SATB2: variants seen among roughly 807,000 people sequenced by gnomAD.
SATB2 encodes DNA-binding protein SATB2.
SATB2 carries 1 observed loss-of-function variant against 73.4 expected under a neutral mutation model. The observed-to-expected ratio is 0.01, with a 90% CI of 0.00 to 0.06. The LOEUF is 0.06. SATB2 is among the 10% of genes least tolerant of loss of function. The pLI is 1.00. For synonymous variants in SATB2, 397 were observed against 367.0 expected, an observed-to-expected ratio of 1.08 and a Z score of -0.93; for missense variants, 459 against 945.8, an observed-to-expected ratio of 0.49 and a Z score of 6.75.
chr2:199,352,806 C>T (rs1208867209), intron 6 of SATB2, among the ~76,000 whole-genome samples: 1 of 151,754 alleles, frequency 6.6e-6, no homozygotes, highest in Non-Finnish European at 1.5e-5. Context: ...TTTTGAAAAA[C>T]AAAAAATCTG....
Position 199,290,322 on chromosome 2 carries a change from C to T in SATB2, c.1741-17650G>A, listed in dbSNP as rs371336839. Among the ~76,000 whole-genome samples the T allele has an allele frequency of 6.2e-4, 94 of 152,334 alleles. 2 individuals carry two copies. The South Asian group carries it at 0.018, about 29-fold the overall frequency. ...CTATCTGCTCTCATATCTGCCTCTC[C>T]ACTGATCTCTGGGCTCCTTAAGGGT... On this transcript the variant is annotated intron_variant, in intron 10 of 10. Transcript: ENST00000417098.
intron 3 of SATB2, chr2:199,397,432 A>G (rs1690333577): frequency 6.6e-6 from 1 of 152,662 alleles, no homozygotes; most frequent in Non-Finnish European, 1.5e-5. Context: ...TAACTCAACA[A>G]TAATGAATAG....
chr2:199,342,765 A>G (rs1450502012), intron 7 of SATB2, among the ~76,000 whole-genome samples: 1 of 152,242 alleles, frequency 6.6e-6, no homozygotes, highest in Non-Finnish European at 1.5e-5. Context: ...AGCAGATGCC[A>G]TGACCTTGTC....
chr2:199,324,287 T>C (rs1687973598), intron 8 of SATB2, among the ~76,000 whole-genome samples: 1 of 152,148 alleles, frequency 6.6e-6, no homozygotes, highest in African/African-American at 2.4e-5. Flanking sequence ...GTTAACCTTT[T>C]CTTTCTAAAA....
At chr2:199,320,052 G>A (rs1047773094) in intron 9 of SATB2, among the ~76,000 whole-genome samples, 7 of 152,160 alleles carry the variant, frequency 4.6e-5, no homozygotes, top group South Asian at 2.1e-4. Context: ...AAGGGGGAAA[G>A]CGGCCCTACA....
At chr2:199,288,957 T>A (rs1201561950) in intron 10 of SATB2, among the ~76,000 whole-genome samples, 5 of 152,312 alleles carry the variant, frequency 3.3e-5, no homozygotes, top group South Asian at 4.1e-4. Flanking sequence ...AGGTATCAAG[T>A]GAGAGCTTAT....
chr2:199,360,569 G>C (rs937438656), intron 6 of SATB2, among the ~76,000 whole-genome samples: 10 of 151,968 alleles, frequency 6.6e-5, no homozygotes, highest in Non-Finnish European at 1.3e-4. Flanking sequence ...ACATCTCCTT[G>C]CCCTTCTCCC....
chr2:199,327,136 T>C (rs1688050921), intron 8 of SATB2, among the ~76,000 whole-genome samples: 1 of 152,182 alleles, frequency 6.6e-6, no homozygotes, highest in Non-Finnish European at 1.5e-5. Flanking sequence ...TTTTTCAGCT[T>C]TGTATAAATG....
In SATB2 at chr2:199,308,101, T is replaced by C. The variant is rs1039764068; in HGVS notation, c.1740+659A>G. ...CTTAAAAGCAATTAATTTTAGACTA[T>C]GGAAAGTGTCAGTAGTTAAACTCAA... On this transcript the variant is annotated intron_variant, in intron 10 of 10. Coordinates refer to ENST00000417098, the MANE Select transcript of SATB2 (RefSeq NM_001172509.2). This position sits in a 1 kb window ranked among gnomAD's most constrained non-coding sequence, Gnocchi z 4.6. Among the ~76,000 whole-genome samples the C allele has an allele frequency of 1.3e-5, 2 of 152,150 alleles. No individual in the cohort carries two copies. The highest frequency in any genetic ancestry group is 2.9e-5 in the Non-Finnish European group (2 of 68,034).
At chr2:199,386,708 GCGCGCGCGCACACACACACACACA>G (rs796439998) in intron 3 of SATB2, among the ~76,000 whole-genome samples, 24 of 45,902 alleles carry the variant, frequency 5.2e-4, no homozygotes, top group South Asian at 2.7e-3. Context: ...GCGCGCGCGC[GCGCGCGCGCACACACACACACACA>G]CACACACACA....
Position 199,433,449 on chromosome 2 carries a change from C to G in SATB2, c.235G>C (p.Glu79Gln). ...ACCAGGACAAACTCGGCGTGTTCTT[C>G]TCTGTTGTCATATTCAAGAGAGCCG... Reference protein sequence around the residue: ...LDGSLEYDNREEHAEFVLVRK... With the variant: ...LDGSLEYDNRQEHAEFVLVRK... Residue 79 changes from glutamate (E) to glutamine (Q), a missense_variant, in exon 3 of 11, where the codon GAA becomes CAA. By Grantham distance (29) the Glu-to-Gln change is conservative (BLOSUM62 2). Transcript: ENST00000417098. 1 of 1,614,196 alleles carries G rather than the reference C, an allele frequency of 6.2e-7. No homozygotes were observed. The highest frequency in any genetic ancestry group is 8.5e-7 in the Non-Finnish European group (1 of 1,180,046).
chr2:199,296,350 A>G (rs1167475567), intron 10 of SATB2, among the ~76,000 whole-genome samples: 1 of 152,174 alleles, frequency 6.6e-6, no homozygotes, highest in Non-Finnish European at 1.5e-5. Flanking sequence ...GTTTTAGATA[A>G]AAGGGGTCTC....
chr2:199,288,231 A>C (rs1692743928), intron 10 of SATB2, among the ~76,000 whole-genome samples: 1 of 152,340 alleles, frequency 6.6e-6, no homozygotes, highest in East Asian at 1.9e-4. Flanking sequence ...CCATTTTTAC[A>C]AAGCAGATAC....
intron 5 of SATB2, among the ~76,000 whole-genome samples, chr2:199,369,538 T>C (rs1172340618): frequency 2.6e-5 from 4 of 152,204 alleles, no homozygotes; most frequent in African/African-American, 9.6e-5. Context: ...ATACCTGAAA[T>C]GACTGTGTAT....
chr2:199,427,361 A>G (rs1215927290), intron 3 of SATB2, among the ~76,000 whole-genome samples: 1 of 152,158 alleles, frequency 6.6e-6, no homozygotes, highest in African/African-American at 2.4e-5. Flanking sequence ...CACATCAACC[A>G]AGTGCAATTT....
chr2:199,418,757 A>G (rs1409188613), intron 3 of SATB2, among the ~76,000 whole-genome samples: 1 of 152,212 alleles, frequency 6.6e-6, no homozygotes, highest in Non-Finnish European at 1.5e-5. Flanking sequence ...TACAAGTCTT[A>G]GTTATATAGA....
chr2:199,464,716 C>A lies in SATB2; in HGVS notation c.-141+120G>T. On this transcript the variant is annotated intron_variant, in intron 1 of 11. Coordinates refer to the SATB2 transcript ENST00000260926. The surrounding 1 kb of genome is among the most constrained non-coding windows in gnomAD (Gnocchi z 6.6). Reference sequence around the variant, plus strand: ...CGCGGTCGCGTGGCCTACTCGCCTACTCCCTTATTATTGGCTGGGACCTGT... The same window carrying A: ...CGCGGTCGCGTGGCCTACTCGCCTAATCCCTTATTATTGGCTGGGACCTGT... The A allele has an allele frequency of 6.6e-6, 1 of 152,242 alleles. No individual in the cohort carries two copies. The highest frequency in any genetic ancestry group is 2.1e-4 in the South Asian group (1 of 4,840). The allele number at this position is 152,242 out of a possible 1,614,324, so 9.4% of individuals were successfully genotyped here. A position where few individuals can be genotyped will look rare whatever the true frequency, so the allele number is the denominator to read the frequency against.
intron 6 of SATB2, among the ~76,000 whole-genome samples, chr2:199,359,342 ATTCGT>A: frequency 6.6e-6 from 1 of 152,202 alleles, no homozygotes; most frequent in African/African-American, 2.4e-5. Context: ...ATGTTCTCTA[ATTCGT>A]ACTTTATAAA....
intron 2 of SATB2, among the ~76,000 whole-genome samples, chr2:199,440,293 T>C (rs1691777450): frequency 6.6e-6 from 1 of 152,162 alleles, no homozygotes; most frequent in Admixed American, 6.5e-5. Flanking sequence ...CCCAGCCCCC[T>C]GGGCTAAGGC....
Sources: allele counts gnomAD v4.1 joint callset (sites outside exome capture counted in the v4.1 genomes callset), GRCh38; gene constraint gnomAD v4.1.1; non-coding constraint Gnocchi (gnomAD v3.1); transcripts MANE v1.5; gene names NCBI Gene and HGNC (gene_info 2026-07-23, HGNC 2026-07-21).